NR6A1: variants seen among roughly 807,000 people sequenced by gnomAD.
NR6A1 encodes retinoic acid receptor-related testis-associated receptor.
Under a neutral mutation model 59.1 loss-of-function variants are expected in NR6A1, and 7 were observed. The observed-to-expected ratio is 0.12, with a 90% CI of 0.07 to 0.22. The LOEUF (loss-of-function observed/expected upper bound fraction) is 0.22. Ranked by LOEUF, NR6A1 falls within the 10% of genes least tolerant of loss-of-function variation. NR6A1 has a pLI of 1.00. For synonymous variants in NR6A1, 243 were observed against 236.1 expected, an observed-to-expected ratio of 1.03 and a Z score of -0.27; for missense variants, 468 against 611.6, an observed-to-expected ratio of 0.77 and a Z score of 2.48.
At chr9:124,543,739 T>C (rs1833514533) in intron 4 of NR6A1, 63 bp downstream of exon 4, 3 of 1,337,208 alleles carry the variant, frequency 2.2e-6, no homozygotes, top group Non-Finnish European at 2.1e-6. Flanking sequence ...GTGAGCAGTT[T>C]CAGGAACAGC....
At chr9:124,596,499 G>A (rs1177629670) in intron 2 of NR6A1, among the ~76,000 whole-genome samples, 2 of 151,964 alleles carry the variant, frequency 1.3e-5, no homozygotes, top group Non-Finnish European at 2.9e-5. Context: ...AGAATGCTCT[G>A]GTTATACATA....
intron 2 of NR6A1, among the ~76,000 whole-genome samples, chr9:124,652,862 C>T (rs1837145990): frequency 6.6e-6 from 1 of 152,148 alleles, no homozygotes; most frequent in Non-Finnish European, 1.5e-5. Flanking sequence ...CTGTCCATTC[C>T]CAGCATAACT....
chr9:124,745,173 C>G (rs1840288532), intron 1 of NR6A1, among the ~76,000 whole-genome samples: 1 of 151,310 alleles, frequency 6.6e-6, no homozygotes, highest in Non-Finnish European at 1.5e-5. Context: ...CAAGAGTTTA[C>G]AAAGGGCAAA....
In NR6A1 at chr9:124,624,101, G is replaced by C. The variant is rs139155036; in HGVS notation, c.143-69531C>G. Among the ~76,000 whole-genome samples the C allele has an allele frequency of 5.3e-5, 8 of 152,264 alleles. No homozygotes were observed. The East Asian group carries it at 1.5e-3, about 29-fold the overall frequency. ...CTAGAATATGAACCCAGGAATGTCG[G>C]AGTACTACAAGCTCTTAACTACCAT... On this transcript the variant is annotated intron_variant, in intron 2 of 9. Transcript: ENST00000487099.
At chr9:124,591,866 C>T (rs901395523) in intron 2 of NR6A1, among the ~76,000 whole-genome samples, 2 of 152,060 alleles carry the variant, frequency 1.3e-5, no homozygotes, top group African/African-American at 4.8e-5. Flanking sequence ...AGCGTTTTCC[C>T]CAAGTTTTTA....
intron 2 of NR6A1, chr9:124,693,823 CAG>C (rs1564241040): frequency 3.8e-6 from 2 of 530,310 alleles, no homozygotes; most frequent in South Asian, 1.4e-5. Context: ...AAAGCATGTG[CAG>C]AGAGTCGCCT....
rs75579132 is a variant in NR6A1, at chr9:124,670,906, G to A, written c.142+62402C>T. Among the ~76,000 whole-genome samples the A allele has an allele frequency of 8.2e-3, 1,252 of 152,168 alleles. 26 individuals are homozygous for A. The East Asian group carries it at 0.1, about 12-fold the overall frequency. On this transcript the variant is annotated intron_variant, in intron 2 of 9. Transcript: ENST00000487099. ...CCACTTGGGCCGTTGCAGTTATTCA[G>A]ATGAAAAAAAATGGTTTTGACCACA...
intron 3 of NR6A1, among the ~76,000 whole-genome samples, chr9:124,550,272 G>A (rs1189798335): frequency 7.2e-5 from 11 of 151,752 alleles, no homozygotes; most frequent in Admixed American, 7.2e-4. Flanking sequence ...TATATTTGCA[G>A]ACTATGCAAA....
At chr9:124,708,239 A>C (rs1405934535) in intron 2 of NR6A1, among the ~76,000 whole-genome samples, 1 of 152,082 alleles carries the variant, frequency 6.6e-6, no homozygotes, top group Non-Finnish European at 1.5e-5. Flanking sequence ...AAATCAAGAA[A>C]GCTCCCTCCT....
At chr9:124,768,222 CT>C (rs926859554) in intron 1 of NR6A1, among the ~76,000 whole-genome samples, 3 of 152,204 alleles carry the variant, frequency 2.0e-5, no homozygotes, top group African/African-American at 7.2e-5. Flanking sequence ...AAAAGACCCC[CT>C]ATCTGTATAG....
chr9:124,570,092 A>G (rs1162139430), intron 2 of NR6A1, among the ~76,000 whole-genome samples: 1 of 152,258 alleles, frequency 6.6e-6, no homozygotes, highest in Non-Finnish European at 1.5e-5. Context: ...TACAGATAAA[A>G]TGTTACCTAT....
chr9:124,599,581 G>A, intron 2 of NR6A1: 1 of 1,124,766 alleles, frequency 8.9e-7, no homozygotes, highest in Non-Finnish European at 1.2e-6. Context: ...CAGCCGCCAT[G>A]AGGGCGCGGC....
intron 2 of NR6A1, among the ~76,000 whole-genome samples, chr9:124,574,489 G>A (rs527621654): frequency 6.6e-6 from 1 of 152,294 alleles, no homozygotes; most frequent in South Asian, 2.1e-4. Flanking sequence ...AACATCTCCA[G>A]TGATAAAGAG....
intron 2 of NR6A1, among the ~76,000 whole-genome samples, chr9:124,664,912 C>T (rs571534489): frequency 6.6e-6 from 1 of 150,650 alleles, no homozygotes; most frequent in East Asian, 2.0e-4. Flanking sequence ...GTAGCTCACA[C>T]CTGTAATCCC....
intron 2 of NR6A1, among the ~76,000 whole-genome samples, chr9:124,631,382 T>C (rs912800369): frequency 6.6e-6 from 1 of 152,260 alleles, no homozygotes; most frequent in Admixed American, 6.5e-5. Flanking sequence ...AAAATGATTT[T>C]CTTTTTAATC....
intron 2 of NR6A1, among the ~76,000 whole-genome samples, chr9:124,620,008 C>CTACCTGT (rs1836018064): frequency 6.6e-6 from 1 of 152,140 alleles, no homozygotes. Flanking sequence ...TTGCAGTGAG[C>CTACCTGT]CAAGATTGCG....
chr9:124,597,815 T>C (rs577456579), intron 2 of NR6A1, among the ~76,000 whole-genome samples: 4 of 152,144 alleles, frequency 2.6e-5, no homozygotes, highest in African/African-American at 7.2e-5. Context: ...ACACTGCCCA[T>C]GTGAATGCAA....
At chr9:124,745,700 A>T (rs1248949987) in intron 1 of NR6A1, among the ~76,000 whole-genome samples, 2 of 143,372 alleles carry the variant, frequency 1.4e-5, no homozygotes, top group African/African-American at 5.2e-5. Context: ...TCCTAAGAAC[A>T]GGCCGGGTGC....
At chr9:124,548,525 A>C (rs766774354) in intron 3 of NR6A1, among the ~76,000 whole-genome samples, 6 of 152,138 alleles carry the variant, frequency 3.9e-5, no homozygotes, top group Non-Finnish European at 8.8e-5. Flanking sequence ...TCATAAGGAA[A>C]ATGTAAGAAA....
Sources: gnomAD v4.1 joint callset for allele counts (sites outside exome capture counted in the v4.1 genomes callset) on GRCh38, gnomAD v4.1.1 for gene constraint, MANE v1.5 for transcripts, NCBI Gene and HGNC (gene_info 2026-07-23, HGNC 2026-07-21) for gene names.